GLDN: variants seen among roughly 807,000 people sequenced by gnomAD.
GLDN encodes the protein collomin.
Under a neutral mutation model 56.5 loss-of-function variants are expected in GLDN, and 47 were observed. That is an observed-to-expected ratio of 0.83 (90% CI 0.66 to 1.06). The LOEUF is 1.06. GLDN is among the 50% of genes least tolerant of loss of function. GLDN has a pLI of 0.00. For missense variants in GLDN, 782 were observed against 714.3 expected (o/e 1.09, Z -1.08); for synonymous variants, 332 against 278.8 (o/e 1.19, Z -1.90).
intron 4 of GLDN, among the ~76,000 whole-genome samples, chr15:51,391,936 T>C (rs1170693958): frequency 1.3e-5 from 2 of 152,226 alleles, no homozygotes; most frequent in African/African-American, 4.8e-5. Flanking sequence ...AATTTCATAG[T>C]TTTCACTAAG....
At chr15:51,355,821 C>CTGAGGTTAGGTATTCTAAGT (rs1327246108) in intron 1 of GLDN, among the ~76,000 whole-genome samples, 1 of 150,832 alleles carries the variant, frequency 6.6e-6, no homozygotes, top group Admixed American at 6.6e-5. Flanking sequence ...CCACACCCGG[C>CTGAGGTTAGGTATTCTAAGT]CCTACTGCAT....
At chr15:51,410,620 G>C (rs1231018616), downstream of GLDN, among the ~76,000 whole-genome samples, 2 of 152,116 alleles carry the variant, frequency 1.3e-5, no homozygotes, top group African/African-American at 2.4e-5. Flanking sequence ...ACATCATGCT[G>C]ACTAAACTCC....
chr15:51,404,054 T>C (rs1014927996), intron 9 of GLDN, among the ~76,000 whole-genome samples: 6 of 152,332 alleles, frequency 3.9e-5, no homozygotes, highest in Non-Finnish European at 7.3e-5. Flanking sequence ...ACTGTCTCCC[T>C]GTTGCCTCTG....
In GLDN at chr15:51,379,657, G is replaced by C. The variant is rs1237360166; in HGVS notation, c.415+2157G>C. Among the ~76,000 whole-genome samples the C allele has an allele frequency of 2.0e-5, 3 of 152,134 alleles. No homozygotes were observed. The East Asian group carries it at 5.8e-4, about 29-fold the overall frequency. ...ACAGACCTCAAGTTTACATAACTGGGGCATTGTGAGCCAATTTTAGATTTC... is the reference window on the plus strand; with the variant it reads ...ACAGACCTCAAGTTTACATAACTGGCGCATTGTGAGCCAATTTTAGATTTC... On this transcript the variant is annotated intron_variant, in intron 2 of 9. Transcript: ENST00000335449.
intron 2 of GLDN, among the ~76,000 whole-genome samples, chr15:51,379,844 G>A (rs898496105): frequency 6.6e-6 from 1 of 152,134 alleles, no homozygotes; most frequent in Admixed American, 6.5e-5. Flanking sequence ...AAAGAAGCAG[G>A]AAAAAGGCTT....
At chr15:51,384,796 G>A (rs1358700412) in intron 4 of GLDN, 1 of 152,258 alleles carries the variant, frequency 6.6e-6, no homozygotes, top group African/African-American at 2.4e-5. Flanking sequence ...GAGGGAGGTT[G>A]TTTTCAGCCG....
At chr15:51,411,325 AGAT>A (rs2038463179), downstream of GLDN, among the ~76,000 whole-genome samples, 1 of 152,230 alleles carries the variant, frequency 6.6e-6, no homozygotes, top group African/African-American at 2.4e-5. Flanking sequence ...CCTCCAAAGA[AGAT>A]TAAACTCCCA....
rs748810176 is a variant in GLDN at position 51,383,792 on chromosome 15, G to A, written c.441G>A (p.Pro147=). 37 of 1,607,684 alleles carry A rather than the reference G, an allele frequency of 2.3e-5. No individual in the cohort carries two copies. Among genetic ancestry groups the A allele is most frequent in the East Asian group, 2.0e-4 (9 of 44,772 alleles). The change falls in exon 4 of 10, where the codon CCG becomes CCA. Residue 147 remains proline, a synonymous_variant. Coordinates refer to ENST00000335449, the MANE Select transcript of GLDN (RefSeq NM_181789.4). ...LTGPSGPPGP[P]GAGGLPGHNG... Reference sequence around the variant, plus strand: ...TTCTGTGTTTTGATGCAGGACCTCCGGGAGCCGGCGGGTTGCCAGGACACA... The same window carrying A: ...TTCTGTGTTTTGATGCAGGACCTCCAGGAGCCGGCGGGTTGCCAGGACACA...
chr15:51,408,492 C>T (rs1299087611), downstream of GLDN, among the ~76,000 whole-genome samples: 1 of 152,102 alleles, frequency 6.6e-6, no homozygotes, highest in African/African-American at 2.4e-5. Context: ...ATAATTGTTA[C>T]TTTTATTGTT....
chr15:51,364,650 A>C (rs1422871891), intron 1 of GLDN, among the ~76,000 whole-genome samples: 1 of 152,104 alleles, frequency 6.6e-6, no homozygotes, highest in Non-Finnish European at 1.5e-5. Context: ...TCTTTCCTCT[A>C]GCTTCTTGAA....
At chr15:51,350,252 C>A (rs533119265) in intron 1 of GLDN, among the ~76,000 whole-genome samples, 1 of 152,268 alleles carries the variant, frequency 6.6e-6, no homozygotes, top group Non-Finnish European at 1.5e-5. Flanking sequence ...GAGCTTTTAG[C>A]CATCTATTAT....
In GLDN at chr15:51,404,995, T is replaced by A. The variant is rs1341734491; in HGVS notation, c.*241T>A. On this transcript the variant is annotated 3_prime_UTR_variant, in exon 10 of 10. Transcript: ENST00000335449. ...TACCTCTTTCTCCTTGGGCCTTAGT[T>A]TCCCCATTGGTAATCTGAATTGGCT... 1 of 400,270 alleles carries A rather than the reference T, an allele frequency of 2.5e-6. No individual in the cohort carries two copies. Among genetic ancestry groups the A allele is most frequent in the Admixed American group, 4.3e-5 (1 of 23,378 alleles). 24.8% of individuals were successfully genotyped at this position (400,270 alleles called of 1,614,324 possible). A position where few individuals can be genotyped will look rare whatever the true frequency, so the allele number is the denominator to read the frequency against.
chr15:51,365,257 T>A (rs921753027), intron 1 of GLDN, among the ~76,000 whole-genome samples: 2 of 152,234 alleles, frequency 1.3e-5, no homozygotes, highest in African/African-American at 4.8e-5. Flanking sequence ...TTAAATTTTT[T>A]TCATTGTATG....
In GLDN at chr15:51,361,498, A is replaced by G. The variant is rs956464616; in HGVS notation, c.364-15951A>G. 2.6e-5 allele frequency among the ~76,000 whole-genome samples: 4 copies of G among 152,308 alleles called. No homozygotes were observed. In the South Asian group the frequency reaches 8.3e-4, roughly 32 times the overall value. Reference sequence around the variant, plus strand: ...ACATTAAAAAAATCCCATCCTAGGAATTCGTGCTACTCACCAAATAGGAGA... The same window carrying G: ...ACATTAAAAAAATCCCATCCTAGGAGTTCGTGCTACTCACCAAATAGGAGA... On this transcript the variant is annotated intron_variant, in intron 1 of 9. Transcript: ENST00000335449.
Position 51,368,447 on chromosome 15 carries a change from C to T in GLDN, c.364-9002C>T, listed in dbSNP as rs184122748. Among the ~76,000 whole-genome samples the T allele has an allele frequency of 3.3e-4, 50 of 151,992 alleles. 1 individual carries two copies. Among genetic ancestry groups the T allele is most frequent in the Admixed American group, 9.2e-4 (14 of 15,256 alleles). The stretch of plus-strand genomic sequence containing the variant: ...GATGAACTGATAGAACACTTGCCCC[C>T]CAGGCCGCTGATGTGGGATGGCAGA... On this transcript the variant is annotated intron_variant, in intron 1 of 9. Transcript: ENST00000335449.
At chr15:51,378,625 G>A (rs943114343) in intron 2 of GLDN, among the ~76,000 whole-genome samples, 5 of 152,196 alleles carry the variant, frequency 3.3e-5, no homozygotes, top group African/African-American at 4.8e-5. Flanking sequence ...AGTGGGGAAC[G>A]ACGTCTGCAC....
At chr15:51,342,340 T>C (rs979703540) in intron 1 of GLDN, among the ~76,000 whole-genome samples, 1 of 152,208 alleles carries the variant, frequency 6.6e-6, no homozygotes, top group Non-Finnish European at 1.5e-5. Flanking sequence ...GAGCCTATTT[T>C]CCTTCTCAGC....
chr15:51,341,824 C>G lies in GLDN; in HGVS notation c.140C>G (p.Ala47Gly). 2.6e-6 allele frequency: 4 copies of G among 1,516,934 alleles called. No homozygotes were observed. The highest frequency in any genetic ancestry group is 3.5e-6 in the Non-Finnish European group (4 of 1,140,820). The allele number at this position is 1,516,934 out of a possible 1,614,324, so 94.0% of individuals were successfully genotyped here. A position where few individuals can be genotyped will look rare whatever the true frequency, so the allele number is the denominator to read the frequency against. The change falls in exon 1 of 10, where the codon GCG becomes GGG. Residue 47 changes from alanine (A) to glycine (G), a missense_variant. Physicochemically the swap from Ala to Gly is moderately conservative, Grantham distance 60. Coordinates refer to ENST00000335449, the MANE Select transcript of GLDN (RefSeq NM_181789.4). ...TGCCAGTGGCGCGGGCTGAGCTCGG[C>G]GCTGCGGGCTTTGGAGGCGCAGCGG... The part of the protein sequence containing the change: ...ALCQWRGLSS[A>G]LRALEAQRGR...
At chr15:51,386,222 T>C (rs1595828903) in intron 4 of GLDN, among the ~76,000 whole-genome samples, 1 of 151,724 alleles carries the variant, frequency 6.6e-6, no homozygotes, top group East Asian at 1.9e-4. Flanking sequence ...ATACTGAGAG[T>C]GGAAGTTGAG....
Sources: gnomAD v4.1 joint callset for allele counts (sites outside exome capture counted in the v4.1 genomes callset) on GRCh38, gnomAD v4.1.1 for gene constraint, MANE v1.5 for transcripts, NCBI Gene and HGNC (gene_info 2026-07-23, HGNC 2026-07-21) for gene names.